The following TLE3 variants were observed in gnomAD, a reference collection of about 807,000 sequenced individuals.
TLE3 encodes transducin-like enhancer protein 3.
A neutral mutation model predicts 93.0 loss-of-function variants in TLE3; 14 were observed. The observed-to-expected ratio is 0.15, with a 90% CI of 0.10 to 0.24. TLE3 has a LOEUF of 0.24. Among genes scored for constraint, TLE3 ranks in the 10% least tolerant of loss-of-function variants. The pLI is 1.00. For synonymous variants in TLE3, 451 were observed against 425.0 expected, an observed-to-expected ratio of 1.06 and a Z score of -0.75; for missense variants, 693 against 1,046.6, an observed-to-expected ratio of 0.66 and a Z score of 4.66.
chr15:70,054,723 T>C, intron 15 of TLE3, 38 bp from the exon 16 acceptor site: 1 of 1,523,822 alleles, frequency 6.6e-7, no homozygotes, highest in Non-Finnish European at 8.8e-7. Flanking sequence ...GCTGCCTACT[T>C]CCCCTCCTGG....
At chr15:70,095,306 A>C (rs1303225556) in intron 3 of TLE3, 1 of 1,356,074 alleles carries the variant, frequency 7.4e-7, no homozygotes, top group Admixed American at 3.5e-5. Flanking sequence ...AACTTTCAAA[A>C]CACAAATTAA....
At chr15:70,091,516 G>A (rs1481810117) in intron 4 of TLE3, among the ~76,000 whole-genome samples, 1 of 152,220 alleles carries the variant, frequency 6.6e-6, no homozygotes, top group African/African-American at 2.4e-5. Context: ...TGGAAGCAGG[G>A]GGCTTGGTGG....
At chr15:70,059,585 T>C (rs2056328484) in intron 9 of TLE3, 125 bp from the exon 10 acceptor site, 1 of 841,576 alleles carries the variant, frequency 1.2e-6, no homozygotes, top group Non-Finnish European at 1.9e-6. Context: ...CCAAAGTCCA[T>C]GCTTTCTACT....
intron 4 of TLE3, among the ~76,000 whole-genome samples, chr15:70,089,726 T>A (rs1466315513): frequency 6.6e-6 from 1 of 152,220 alleles, no homozygotes; most frequent in Non-Finnish European, 1.5e-5. Flanking sequence ...TAGGTCTTTG[T>A]CACGTTTTTG....
At chr15:70,095,427 G>A (rs1490975348) in intron 3 of TLE3, 151 bp downstream of exon 3, 20 of 1,506,742 alleles carry the variant, frequency 1.3e-5, no homozygotes, top group Non-Finnish European at 1.7e-5. Context: ...AGCTGGGGAA[G>A]GGGAGGGCAA....
intron 8 of TLE3, among the ~76,000 whole-genome samples, chr15:70,063,533 G>T (rs1566538): frequency 0.65 from 98,295 of 152,062 alleles, 33,566 homozygotes; most frequent in Admixed American, 0.8. Flanking sequence ...GGAGAGAGCT[G>T]CGCAAGGAAG....
In TLE3 at chr15:70,096,292, G is replaced by A. The variant is rs371366635; in HGVS notation, c.25-31C>T. 6.5e-6 allele frequency: 10 copies of A among 1,549,796 alleles called. No homozygotes were observed. In the East Asian group the frequency reaches 9.8e-5, roughly 15 times the overall value. On this transcript the variant is annotated intron_variant, in intron 1 of 19. Transcript: ENST00000451782. Reference sequence around the variant, plus strand: ...GCCCGCGAAGACAAGACAGGGGAGGGGGCGGGGGCATGAGACCGCGCTCAG... The same window carrying A: ...GCCCGCGAAGACAAGACAGGGGAGGAGGCGGGGGCATGAGACCGCGCTCAG...
At chr15:70,067,946 C>T (rs2056916526) in intron 6 of TLE3, among the ~76,000 whole-genome samples, 1 of 152,202 alleles carries the variant, frequency 6.6e-6, no homozygotes, top group South Asian at 2.1e-4. Flanking sequence ...CACATCTGCA[C>T]TGAGACACTA....
At chr15:70,093,264 C>A (rs757578502) in intron 4 of TLE3, among the ~76,000 whole-genome samples, 2 of 152,142 alleles carry the variant, frequency 1.3e-5, no homozygotes, top group Non-Finnish European at 2.9e-5. Flanking sequence ...AAACTCAGGC[C>A]CCTTTCTGGC....
intron 10 of TLE3, 141 bp downstream of exon 10, chr15:70,059,263 CCCCCTG>C: frequency 1.1e-6 from 1 of 925,388 alleles, no homozygotes; most frequent in East Asian, 2.7e-5. Context: ...CTCCTCTTGA[CCCCCTG>C]AGACCCCAAG....
intron 4 of TLE3, among the ~76,000 whole-genome samples, chr15:70,084,522 G>A (rs1388681573): frequency 6.6e-6 from 1 of 152,224 alleles, no homozygotes; most frequent in Admixed American, 6.5e-5. Flanking sequence ...ACTGATGCCT[G>A]TAGTATGGTG....
rs190457101 is a variant in TLE3, at chr15:70,062,538, C to T, written c.595-1889G>A. 5.9e-5 allele frequency among the ~76,000 whole-genome samples: 9 copies of T among 152,354 alleles called. No homozygotes were observed. The East Asian group carries it at 1.7e-3, about 29-fold the overall frequency. Reference sequence around the variant, plus strand: ...ATTTAGCGGCATCGATCCAGCCCGCCTCTGGCTGGCAGGCGGCCAAAAAAC... The same window carrying T: ...ATTTAGCGGCATCGATCCAGCCCGCTTCTGGCTGGCAGGCGGCCAAAAAAC... On this transcript the variant is annotated intron_variant, in intron 8 of 19. Transcript: ENST00000451782.
In TLE3 at chr15:70,067,050, A is replaced by C. The variant is rs564018502; in HGVS notation, c.373-832T>G. The C allele has an allele frequency of 2.4e-5, 4 of 170,034 alleles. No homozygotes were observed. In the South Asian group the frequency reaches 4.1e-4, roughly 17 times the overall value. 10.5% of individuals were successfully genotyped at this position (170,034 alleles called of 1,614,324 possible). On this transcript the variant is annotated intron_variant, in intron 6 of 19. Transcript: ENST00000451782. ...ATGGCAGTAGCTAACATTTACAAAG[A>C]GTTTAAAATGGATTGCTGAACCCTT...
intron 4 of TLE3, among the ~76,000 whole-genome samples, chr15:70,085,945 A>G (rs1032606302): frequency 6.6e-6 from 1 of 152,236 alleles, no homozygotes; most frequent in Admixed American, 6.5e-5. Flanking sequence ...CACTGGAGAG[A>G]GAGATCAGAG....
At chr15:70,095,704 C>T (rs563165750) in intron 2 of TLE3, 63 bp from the exon 3 acceptor site, 3 of 1,532,094 alleles carry the variant, frequency 2.0e-6, no homozygotes, top group Non-Finnish European at 2.6e-6. Context: ...GAGGCCCCGA[C>T]CCAAGGGCCT....
At position 70,048,827 on chromosome 15, in the gene TLE3, C is replaced by G. The variant is rs3195776; in HGVS notation, c.*1270G>C. On this transcript the variant is annotated 3_prime_UTR_variant, in exon 20 of 20. Transcript: ENST00000451782. ...GGATCTGTGTCCCCCTCTCCCACCCCCCAACCCCCACTGCTCTGCCCAGGG... is the reference window on the plus strand; with the variant it reads ...GGATCTGTGTCCCCCTCTCCCACCCGCCAACCCCCACTGCTCTGCCCAGGG... 0.21 allele frequency: 31,298 copies of G among 152,016 alleles called. 3,699 individuals are homozygous for G. The highest frequency in any genetic ancestry group is 0.32 in the African/African-American group (13,308 of 41,420). The allele number at this position is 152,016 out of a possible 1,614,324, so 9.4% of individuals were successfully genotyped here.
intron 4 of TLE3, among the ~76,000 whole-genome samples, chr15:70,079,692 G>A (rs1169213967): frequency 6.6e-6 from 1 of 151,832 alleles, no homozygotes; most frequent in Non-Finnish European, 1.5e-5. Context: ...TTTGGAGGGT[G>A]GCGCTTGGGG....
intron 6 of TLE3, among the ~76,000 whole-genome samples, chr15:70,073,746 G>T (rs1446652942): frequency 6.6e-6 from 1 of 152,320 alleles, no homozygotes; most frequent in East Asian, 1.9e-4. Flanking sequence ...ACACTAAAAA[G>T]ACTCTTCTTC....
chr15:70,073,159 G>A (rs557757005), intron 6 of TLE3, among the ~76,000 whole-genome samples: 1 of 152,312 alleles, frequency 6.6e-6, no homozygotes, highest in Admixed American at 6.5e-5. Context: ...AAGGGCCGGT[G>A]TCCATAAGTG....
Sources: allele counts gnomAD v4.1 joint callset (sites outside exome capture counted in the v4.1 genomes callset), GRCh38; gene constraint gnomAD v4.1.1; transcripts MANE v1.5; gene names NCBI Gene and HGNC (gene_info 2026-07-23, HGNC 2026-07-21).